The following DNAH8 variants were observed in gnomAD, a reference collection of about 807,000 sequenced individuals.
DNAH8 encodes the protein axonemal beta dynein heavy chain 8.
In DNAH8, 382 loss-of-function variants were observed where a neutral mutation model predicts 562.1. The observed-to-expected ratio is 0.68, with a 90% CI of 0.63 to 0.74. DNAH8 has a LOEUF of 0.74. Ranked by LOEUF, DNAH8 falls within the 30% of genes least tolerant of loss-of-function variation. DNAH8 has a pLI of 0.00. For synonymous variants in DNAH8, 1,881 were observed against 1,919.4 expected (o/e 0.98, Z 0.52); for missense variants, 5,203 against 5,620.4 (o/e 0.93, Z 2.37).
intron 85 of DNAH8, among the ~76,000 whole-genome samples, chr6:38,975,027 G>A (rs760979206): frequency 4.6e-5 from 7 of 152,138 alleles, no homozygotes; most frequent in Non-Finnish European, 1.0e-4. Context: ...AGGATTGGCT[G>A]GCTCTGATTT....
intron 5 of DNAH8, among the ~76,000 whole-genome samples, chr6:38,735,580 C>T (rs886192391): frequency 1.3e-5 from 2 of 152,192 alleles, no homozygotes; most frequent in Non-Finnish European, 2.9e-5. Context: ...TTTCCTCAAT[C>T]TGCCTTCCAT....
chr6:38,769,765 A>C (rs780035579), intron 11 of DNAH8, among the ~76,000 whole-genome samples: 9 of 152,362 alleles, frequency 5.9e-5, no homozygotes, highest in Admixed American at 2.6e-4. Flanking sequence ...AAGAGGAGGC[A>C]GAAGAGTCAG....
At chr6:38,859,564 C>T (rs1776450392) in intron 42 of DNAH8, among the ~76,000 whole-genome samples, 1 of 152,178 alleles carries the variant, frequency 6.6e-6, no homozygotes, top group South Asian at 2.1e-4. Context: ...CTTGCCACTT[C>T]CTGTGTTGAT....
At chr6:38,777,246 C>T (rs139541020) in intron 13 of DNAH8, among the ~76,000 whole-genome samples, 413 of 152,062 alleles carry the variant, frequency 2.7e-3, no homozygotes, top group Middle Eastern at 0.024. Context: ...AAAGTTAAAT[C>T]TTTATGGCAA....
At chr6:39,004,693 T>G (rs945123563) in intron 88 of DNAH8, among the ~76,000 whole-genome samples, 13 of 124,158 alleles carry the variant, frequency 1.0e-4, no homozygotes, top group Non-Finnish European at 2.1e-4. Flanking sequence ...TGTGCCAGGC[T>G]GTCATCCCCA....
chr6:38,868,253 G>A (rs962863133), intron 48 of DNAH8, 57 bp downstream of exon 48: 4 of 1,527,410 alleles, frequency 2.6e-6, no homozygotes, highest in Non-Finnish European at 3.6e-6. Context: ...CTTTCTATTT[G>A]GTGGACAAGT....
At chr6:38,993,952 AT>A (rs1260233191) in intron 88 of DNAH8, among the ~76,000 whole-genome samples, 1 of 152,118 alleles carries the variant, frequency 6.6e-6, no homozygotes, top group Non-Finnish European at 1.5e-5. Flanking sequence ...TATGGGTGGG[AT>A]TGCTAGATCA....
At chr6:38,970,738 CT>C (rs1448028742) in intron 82 of DNAH8, among the ~76,000 whole-genome samples, 1 of 151,334 alleles carries the variant, frequency 6.6e-6, no homozygotes, top group African/African-American at 2.4e-5. Flanking sequence ...CCATTGATTG[CT>C]TTTCCTTGTA....
Position 38,826,303 on chromosome 6 carries a change from A to T in DNAH8, c.3995A>T (p.Asp1332Val). 6.2e-7 allele frequency: 1 copy of T among 1,613,544 alleles called. No homozygotes were observed. Among genetic ancestry groups the T allele is most frequent in the Non-Finnish European group, 8.5e-7 (1 of 1,179,654 alleles). Residue 1332 changes from aspartate (D) to valine (V), a missense_variant, in exon 29 of 93, where the codon GAT becomes GTT. Physicochemically the swap from Asp to Val is radical, Grantham distance 152 (BLOSUM62 -3). Coordinates refer to ENST00000327475, the MANE Select transcript of DNAH8 (RefSeq NM_001206927.2). ...YLKKLSRPIR[D>V]LDDVRFAMEA... ...AAAAAGTTATCTAGACCTATTCGTG[A>T]TTTAGATGATGTCAGATTTGCAATG...
chr6:38,967,395 A>T (rs549664304), intron 82 of DNAH8, among the ~76,000 whole-genome samples: 1 of 152,280 alleles, frequency 6.6e-6, no homozygotes, highest in Non-Finnish European at 1.5e-5. Flanking sequence ...TAAGTTGTTT[A>T]CCAAAAAACA....
chr6:39,010,755 T>C (rs1000264981), intron 89 of DNAH8, among the ~76,000 whole-genome samples: 1 of 148,970 alleles, frequency 6.7e-6, no homozygotes, highest in Non-Finnish European at 1.5e-5. Context: ...GAATTATATA[T>C]AGATATAATT....
intron 79 of DNAH8, among the ~76,000 whole-genome samples, chr6:38,944,894 T>C (rs1462325367): frequency 5.3e-5 from 8 of 152,124 alleles, no homozygotes; most frequent in Admixed American, 1.3e-4. Context: ...CTTCACTTCC[T>C]TCTTTATTCC....
chr6:38,733,755 A>G (rs1763846456), intron 4 of DNAH8, among the ~76,000 whole-genome samples: 1 of 151,874 alleles, frequency 6.6e-6, no homozygotes, highest in South Asian at 2.1e-4. Flanking sequence ...TACTAAAACT[A>G]CAAGAATTAG....
intron 54 of DNAH8, 78 bp from the exon 55 acceptor site, chr6:38,883,244 A>T: frequency 6.9e-7 from 1 of 1,459,394 alleles, no homozygotes; most frequent in South Asian, 1.4e-5. Context: ...TTTATAGAAG[A>T]CTAGCCCATA....
At chr6:38,955,512 TC>T (rs2150647694) in intron 82 of DNAH8, among the ~76,000 whole-genome samples, 1 of 152,110 alleles carries the variant, frequency 6.6e-6, no homozygotes, top group Non-Finnish European at 1.5e-5. Context: ...GCACTTGTAA[TC>T]CCAGTTACTC....
chr6:38,993,460 T>A (rs1470723865), intron 88 of DNAH8, among the ~76,000 whole-genome samples: 1 of 152,134 alleles, frequency 6.6e-6, no homozygotes, highest in Admixed American at 6.5e-5. Context: ...CCCCCACATA[T>A]GCTATTGTTT....
chr6:38,937,946 A>G (rs762676806), intron 77 of DNAH8, 28 bp from the exon 78 acceptor site: 2 of 1,609,544 alleles, frequency 1.2e-6, no homozygotes, highest in Non-Finnish European at 1.7e-6. Context: ...CGTCTTGTGT[A>G]CTACGGTTTT....
intron 85 of DNAH8, among the ~76,000 whole-genome samples, chr6:38,977,608 G>A (rs1254884361): frequency 2.0e-5 from 3 of 152,062 alleles, no homozygotes; most frequent in Non-Finnish European, 4.4e-5. Flanking sequence ...GTGTAGCATC[G>A]TTCTGGGCTT....
At chr6:38,974,248 T>A (rs560758224) in intron 84 of DNAH8, 126 bp from the exon 85 acceptor site, 18 of 760,040 alleles carry the variant, frequency 2.4e-5, no homozygotes, top group Middle Eastern at 7.6e-4. Flanking sequence ...TTCCAAAATC[T>A]GAAATTCAAA....
Sources: allele counts gnomAD v4.1 joint callset (sites outside exome capture counted in the v4.1 genomes callset), GRCh38; gene constraint gnomAD v4.1.1; transcripts MANE v1.5; gene names NCBI Gene and HGNC (gene_info 2026-07-23, HGNC 2026-07-21).